The following ARID2 variants were observed in gnomAD, a reference collection of about 807,000 sequenced individuals.
The protein encoded by ARID2 is AT-rich interactive domain-containing protein 2.
Under a neutral mutation model 184.6 loss-of-function variants are expected in ARID2, and 32 were observed. That is an observed-to-expected ratio of 0.17 (90% CI 0.13 to 0.23). The LOEUF is 0.23. Among genes scored for constraint, ARID2 ranks in the 10% least tolerant of loss-of-function variants. The pLI is 1.00. For missense variants in ARID2, 1,696 were observed against 2,197.6 expected, an observed-to-expected ratio of 0.77 and a Z score of 4.56; for synonymous variants, 836 against 772.6, an observed-to-expected ratio of 1.08 and a Z score of -1.36.
chr12:45,900,126 T>A lies in ARID2; in HGVS notation c.5364-4808T>A, dbSNP rs543008029. On this transcript the variant is annotated intron_variant, in intron 20 of 20. Transcript: ENST00000334344. ...CCCAGACTGGAGTTCCGTGGCGTGA[T>A]CTCGGCTCATTTCAACCTTTGCCTC... is the stretch of plus-strand genomic sequence containing the variant. Among the ~76,000 whole-genome samples the A allele has an allele frequency of 2.6e-5, 4 of 152,316 alleles. No individual in the cohort carries two copies. The East Asian group carries it at 7.7e-4, about 29-fold the overall frequency.
chr12:45,746,078 G>A (rs1254639966), intron 3 of ARID2, among the ~76,000 whole-genome samples: 1 of 150,568 alleles, frequency 6.6e-6, no homozygotes, highest in East Asian at 1.9e-4. Flanking sequence ...GAAGTATGAA[G>A]TAATAGATAG....
chr12:45,748,084 A>T (rs1244233794), intron 3 of ARID2, among the ~76,000 whole-genome samples: 1 of 152,176 alleles, frequency 6.6e-6, no homozygotes, highest in African/African-American at 2.4e-5. Flanking sequence ...ATGTACGGCC[A>T]GGTGTGGTGG....
intron 3 of ARID2, among the ~76,000 whole-genome samples, chr12:45,733,184 A>G (rs2137965795): frequency 6.6e-6 from 1 of 152,350 alleles, no homozygotes; most frequent in Admixed American, 6.5e-5. Flanking sequence ...GTTTTGGAAA[A>G]TAAAACCATG....
At chr12:45,751,746 A>G (rs1277759125) in intron 3 of ARID2, among the ~76,000 whole-genome samples, 1 of 152,248 alleles carries the variant, frequency 6.6e-6, no homozygotes, top group Non-Finnish European at 1.5e-5. Flanking sequence ...AGCATGCTAC[A>G]TACTGAATAC....
rs781284991 is a variant in ARID2 at position 45,850,822 on chromosome 12, C to G, written c.2699C>G (p.Pro900Arg). The change falls in exon 15 of 21, where the codon CCT (proline) becomes CGT (arginine). Residue 900 changes from proline (P) to arginine (R), a missense_variant. By Grantham distance (103) the Pro-to-Arg change is moderately radical (BLOSUM62 -2). Transcript: ENST00000334344. ...RVGFQNIAPK[P>R]LPSQQVSSTV... Reference sequence around the variant, plus strand: ...GGGTTTCAGAACATTGCACCAAAACCTCTCCCTTCTCAGCAAGTTTCATCT... The same window carrying G: ...GGGTTTCAGAACATTGCACCAAAACGTCTCCCTTCTCAGCAAGTTTCATCT... The G allele has an allele frequency of 1.2e-6, 2 of 1,614,072 alleles. No homozygotes were observed. The highest frequency in any genetic ancestry group is 1.7e-6 in the Non-Finnish European group (2 of 1,180,006).
intron 12 of ARID2, among the ~76,000 whole-genome samples, chr12:45,847,482 C>T (rs1943464144): frequency 6.6e-6 from 1 of 151,896 alleles, no homozygotes; most frequent in Admixed American, 6.6e-5. Context: ...ATTGTGTAGT[C>T]CTATCTGCAC....
At chr12:45,802,710 A>T (rs1189869768) in intron 3 of ARID2, among the ~76,000 whole-genome samples, 1 of 152,116 alleles carries the variant, frequency 6.6e-6, no homozygotes, top group African/African-American at 2.4e-5. Flanking sequence ...TTACACCACC[A>T]AGAAACACTG....
chr12:45,883,510 AAGG>A (rs530552453), intron 16 of ARID2, among the ~76,000 whole-genome samples: 1 of 149,402 alleles, frequency 6.7e-6, no homozygotes, highest in Non-Finnish European at 1.5e-5. Context: ...TGCGTAAAAT[AAGG>A]AGAATTATAT....
At chr12:45,803,898 A>T (rs1382311643) in intron 3 of ARID2, among the ~76,000 whole-genome samples, 1 of 152,192 alleles carries the variant, frequency 6.6e-6, no homozygotes, top group Admixed American at 6.5e-5. Flanking sequence ...AAAATAACGA[A>T]TGAGTAAAGG....
intron 10 of ARID2, 30 bp downstream of exon 10, chr12:45,837,737 C>A: frequency 6.3e-7 from 1 of 1,592,560 alleles, no homozygotes. Context: ...CACTTATTTT[C>A]TTTATTGAGT....
chr12:45,764,486 A>T (rs1941736365), intron 3 of ARID2, among the ~76,000 whole-genome samples: 1 of 152,164 alleles, frequency 6.6e-6, no homozygotes, highest in African/African-American at 2.4e-5. Context: ...CAGTTGTGTT[A>T]CCCCTCACAT....
chr12:45,858,864 A>G (rs1475535633), intron 15 of ARID2, among the ~76,000 whole-genome samples: 2 of 152,140 alleles, frequency 1.3e-5, no homozygotes, highest in Non-Finnish European at 2.9e-5. Context: ...ATGTTTTCTT[A>G]TTGTAAAATC....
rs1295667937 is a variant in ARID2, at chr12:45,906,197, C to T, written c.*1119C>T. On this transcript the variant is annotated 3_prime_UTR_variant, in exon 21 of 21. Transcript: ENST00000334344. ...CAGGTTTTCTCCTGTGTTATATATG[C>T]ATTATGTGCAGGTATGATATTTTCT... 4.3e-6 allele frequency: 1 copy of T among 232,400 alleles called. No individual in the cohort carries two copies. Among genetic ancestry groups the T allele is most frequent in the East Asian group, 6.1e-5 (1 of 16,350 alleles). The allele number at this position is 232,400 out of a possible 1,614,324, so 14.4% of individuals were successfully genotyped here.
chr12:45,893,838 TA>T, intron 20 of ARID2, 117 bp downstream of exon 20: 2 of 896,404 alleles, frequency 2.2e-6, no homozygotes, highest in Non-Finnish European at 3.2e-6. Flanking sequence ...ATTTTGCAAA[TA>T]CATCCAAAAG....
chr12:45,858,425 A>G (rs1028866035), intron 15 of ARID2, among the ~76,000 whole-genome samples: 4 of 152,136 alleles, frequency 2.6e-5, no homozygotes, highest in African/African-American at 7.2e-5. Context: ...CCCTCCTCCC[A>G]TGCCACTTTC....
chr12:45,780,128 A>T (rs1942061220), intron 3 of ARID2, among the ~76,000 whole-genome samples: 1 of 152,212 alleles, frequency 6.6e-6, no homozygotes, highest in Non-Finnish European at 1.5e-5. Flanking sequence ...ATTTTGATAG[A>T]CTTATTCATT....
At position 45,906,983 on chromosome 12, in the gene ARID2, TTTGA is replaced by T. The variant is rs1944538438; in HGVS notation, c.*1910_*1913del. On this transcript the variant is annotated 3_prime_UTR_variant, in exon 21 of 21. Transcript: ENST00000334344. The stretch of plus-strand genomic sequence containing the variant: ...TCCATATTAAAAATGTTTTAAATAT[TTTGA>T]TTGAATTAGTACCAATGTAAAATCT... The T allele has an allele frequency of 4.3e-6, 1 of 231,616 alleles. No homozygotes were observed. The highest frequency in any genetic ancestry group is 2.2e-5 in the African/African-American group (1 of 45,234). The allele number at this position is 231,616 out of a possible 1,614,324, so 14.3% of individuals were successfully genotyped here.
At chr12:45,819,747 GTTT>G (rs199943110) in intron 5 of ARID2, among the ~76,000 whole-genome samples, 1 of 143,478 alleles carries the variant, frequency 7.0e-6, no homozygotes, top group Non-Finnish European at 1.5e-5. Context: ...GTTTTTTTGG[GTTT>G]TTTTTTTTTA....
rs146333150 is a variant in ARID2, at chr12:45,856,656, G to A, written c.4773+3760G>A. Among the ~76,000 whole-genome samples the A allele has an allele frequency of 1.6e-4, 24 of 152,192 alleles. No homozygotes were observed. In the East Asian group the frequency reaches 4.4e-3, roughly 28 times the overall value. On this transcript the variant is annotated intron_variant, in intron 15 of 20. Coordinates refer to ENST00000334344, the MANE Select transcript of ARID2 (RefSeq NM_152641.4). ...ACAAGTAATCCTTTCTAATGCCATT[G>A]TAATTCATTTTTTTTCTTCTCAGTT...
Sources: allele counts gnomAD v4.1 joint callset (sites outside exome capture counted in the v4.1 genomes callset), GRCh38; gene constraint gnomAD v4.1.1; transcripts MANE v1.5; gene names NCBI Gene and HGNC (gene_info 2026-07-23, HGNC 2026-07-21).